LGALS3BP: variants seen among roughly 807,000 people sequenced by gnomAD.
LGALS3BP encodes galectin-3-binding protein.
In LGALS3BP, 25 loss-of-function variants were observed where a neutral mutation model predicts 22.9. That is an observed-to-expected ratio of 1.09 (90% CI 0.80 to 1.53). LGALS3BP has a LOEUF of 1.53. Ranked by LOEUF, LGALS3BP falls within the 40% of genes most tolerant of loss-of-function variation. The probability of loss-of-function intolerance (pLI) is 0.00; values close to 1 mark genes in which losing one functional copy is unlikely to be tolerated. For synonymous variants in LGALS3BP, 335 were observed against 331.1 expected (o/e 1.01, Z -0.13); for missense variants, 718 against 752.0 (o/e 0.95, Z 0.53).
At position 78,976,135 on chromosome 17, in the gene LGALS3BP, C is replaced by T. The variant is rs760177539; in HGVS notation, c.74G>A (p.Arg25Gln). Reference sequence around the variant, plus strand: ...GTTGGTGGCGCCCCCATCGGCCAGCCGCATGTCACCATCGTTCACGCCTGC... The same window carrying T: ...GTTGGTGGCGCCCCCATCGGCCAGCTGCATGTCACCATCGTTCACGCCTGC... ...GTQGVNDGDM[R>Q]LADGGATNQG... The change falls in exon 3 of 6, where the codon CGG becomes CAG. Residue 25 changes from arginine (R) to glutamine (Q), a missense_variant. By Grantham distance (43) the Arg-to-Gln change is conservative. Coordinates refer to ENST00000262776, the MANE Select transcript of LGALS3BP (RefSeq NM_005567.4). The surrounding 1 kb of genome is among the most constrained non-coding windows in gnomAD (Gnocchi z 4.6). 21 of 1,587,658 alleles carry T rather than the reference C, an allele frequency of 1.3e-5. No homozygotes were observed. The highest frequency in any genetic ancestry group is 3.3e-4 in the Middle Eastern group (2 of 6,048).
At chr17:78,978,155 T>C (rs1366082036) in intron 1 of LGALS3BP, among the ~76,000 whole-genome samples, 1 of 152,192 alleles carries the variant, frequency 6.6e-6, no homozygotes, top group African/African-American at 2.4e-5. Context: ...GCTGGGAGTC[T>C]GGGCCTGGTG....
chr17:78,974,889 GC>G, intron 3 of LGALS3BP, 70 bp from the exon 4 acceptor site: 36 of 1,579,996 alleles, frequency 2.3e-5, no homozygotes, highest in Non-Finnish European at 3.1e-5. Context: ...GCGCGACTCA[GC>G]CCTTTGTTCT....
chr17:78,973,241 G>A lies in LGALS3BP; in HGVS notation c.377-19C>T, dbSNP rs527901155. The stretch of plus-strand genomic sequence containing the variant: ...CTGGTTTCTAAGAAGGGGCGGGAGG[G>A]AAGTGGGCTGCGTTAGGAGCCGGGG... On this transcript the variant is annotated intron_variant, in intron 4 of 5. Transcript: ENST00000262776. This position sits in a 1 kb window ranked among gnomAD's most constrained non-coding sequence, Gnocchi z 5.8. The A allele has an allele frequency of 1.3e-6, 2 of 1,498,792 alleles. No homozygotes were observed. Among genetic ancestry groups the A allele is most frequent in the South Asian group, 1.2e-5 (1 of 80,280 alleles). The allele number at this position is 1,498,792 out of a possible 1,614,324, so 92.8% of individuals were successfully genotyped here.
At position 78,971,878 on chromosome 17, in the gene LGALS3BP, T is replaced by G. The variant is rs554055750; in HGVS notation, c.1456A>C (p.Ile486Leu). 28 of 1,613,956 alleles carry G rather than the reference T, an allele frequency of 1.7e-5. No homozygotes were observed. The South Asian group carries it at 3.0e-4, about 17-fold the overall frequency. Residue 486 changes from isoleucine (I) to leucine (L), a missense_variant, in exon 6 of 6, where the codon ATC becomes CTC. Coordinates refer to ENST00000262776, the MANE Select transcript of LGALS3BP (RefSeq NM_005567.4). This position sits in a 1 kb window ranked among gnomAD's most constrained non-coding sequence, Gnocchi z 5.6. ...VSWSLVYLPT[I>L]QSCWNYGFSC... Reference sequence around the variant, plus strand: ...AAGCCGTAGTTCCAGCAGCTCTGGATGGTGGGGAGGTAGACCAGGGACCAG... The same window carrying G: ...AAGCCGTAGTTCCAGCAGCTCTGGAGGGTGGGGAGGTAGACCAGGGACCAG...
rs2070704502 is a variant in LGALS3BP at position 78,974,781 on chromosome 17, C to T, written c.283G>A (p.Gly95Arg). ...PIMLDEVQCT[G>R]TEASLADCKS... ...CAGTCGGCCAGTGAGGCCTCGGTTCCCGTGCACTGGACCTCATCCAGCATG... is the reference window on the plus strand; with the variant it reads ...CAGTCGGCCAGTGAGGCCTCGGTTCTCGTGCACTGGACCTCATCCAGCATG... Residue 95 changes from glycine (G) to arginine (R), a missense_variant, in exon 4 of 6, where the codon GGA (glycine) becomes AGA (arginine). Transcript: ENST00000262776. 3 of 1,613,738 alleles carry T rather than the reference C, an allele frequency of 1.9e-6. No homozygotes were observed. The highest frequency in any genetic ancestry group is 2.5e-6 in the Non-Finnish European group (3 of 1,180,016).
Position 78,973,883 on chromosome 17 carries a change from G to T in LGALS3BP, c.377-661C>A, listed in dbSNP as rs1385175836. Among the ~76,000 whole-genome samples, 2 of 152,242 alleles carry T rather than the reference G, an allele frequency of 1.3e-5. No individual in the cohort carries two copies. Among genetic ancestry groups the T allele is most frequent in the African/African-American group, 2.4e-5 (1 of 41,458 alleles). On this transcript the variant is annotated intron_variant, in intron 4 of 5. Coordinates refer to ENST00000262776, the MANE Select transcript of LGALS3BP (RefSeq NM_005567.4). The surrounding 1 kb of genome is among the most constrained non-coding windows in gnomAD (Gnocchi z 5.8). ...TGGGCCTCCTAAAACCTGAGCCACCGCAGGACCCCCAGCTCCCTCCCACCT... is the reference window on the plus strand; with the variant it reads ...TGGGCCTCCTAAAACCTGAGCCACCTCAGGACCCCCAGCTCCCTCCCACCT...
chr17:78,976,770 C>T lies in LGALS3BP; in HGVS notation c.52+370G>A. 1 of 244,782 alleles carries T rather than the reference C, an allele frequency of 4.1e-6. No individual in the cohort carries two copies. The highest frequency in any genetic ancestry group is 8.1e-6 in the Non-Finnish European group (1 of 123,648). 15.2% of individuals were successfully genotyped at this position (244,782 alleles called of 1,614,324 possible). On this transcript the variant is annotated intron_variant, in intron 2 of 5. Coordinates refer to ENST00000262776, the MANE Select transcript of LGALS3BP (RefSeq NM_005567.4). The surrounding 1 kb of genome is among the most constrained non-coding windows in gnomAD (Gnocchi z 4.6). Reference sequence around the variant, plus strand: ...GGATGAGCATGAGCTTCCAGGGGCTCACAGTGTAAAGAATGTGAGGAAAAG... The same window carrying T: ...GGATGAGCATGAGCTTCCAGGGGCTTACAGTGTAAAGAATGTGAGGAAAAG...
rs202185678 is a variant in LGALS3BP, at chr17:78,975,959, C to T, written c.244+6G>A. 18 of 1,597,974 alleles carry T rather than the reference C, an allele frequency of 1.1e-5. No individual in the cohort carries two copies. Among genetic ancestry groups the T allele is most frequent in the Non-Finnish European group, 1.5e-5 (18 of 1,172,540 alleles). ...AGCCTCAGTGGAAGGGGACAGCAGGCCCTACCTTGCCCGAAGGCAGCTCTG... is the reference window on the plus strand; with the variant it reads ...AGCCTCAGTGGAAGGGGACAGCAGGTCCTACCTTGCCCGAAGGCAGCTCTG... On this transcript the variant is annotated splice_donor_region_variant and intron_variant, in intron 3 of 5. Transcript: ENST00000262776.
chr17:78,974,787 A>G lies in LGALS3BP; in HGVS notation c.277T>C (p.Cys93Arg), dbSNP rs899544539. The G allele has an allele frequency of 8.7e-6, 14 of 1,613,692 alleles. No individual in the cohort carries two copies. Among genetic ancestry groups the G allele is most frequent in the Middle Eastern group, 1.6e-4 (1 of 6,084 alleles). Residue 93 changes from cysteine to arginine, a missense_variant, in exon 4 of 6, where the codon TGC becomes CGC. Physicochemically the swap from Cys to Arg is radical, Grantham distance 180. Transcript: ENST00000262776. ...GCCAGTGAGGCCTCGGTTCCCGTGC[A>G]CTGGACCTCATCCAGCATGATGGGG... ...SGPIMLDEVQ[C>R]TGTEASLADC... is the part of the protein sequence containing the mutation.
chr17:78,972,657 C>T lies in LGALS3BP; in HGVS notation c.677G>A (p.Cys226Tyr). The T allele has an allele frequency of 6.5e-7, 1 of 1,528,172 alleles. No individual in the cohort carries two copies. The highest frequency in any genetic ancestry group is 2.3e-5 in the East Asian group (1 of 44,060). The allele number at this position is 1,528,172 out of a possible 1,614,324, so 94.7% of individuals were successfully genotyped here. A position where few individuals can be genotyped will look rare whatever the true frequency, so the allele number is the denominator to read the frequency against. ...ATAGGCAGAGGCCAGCTTGTGGAAG[C>T]ACTTGACTGACGACAGGGTGATGTC... is the stretch of plus-strand genomic sequence containing the variant. ...RIDITLSSVKCFHKLASAYGA... is the reference protein window; with the variant it reads ...RIDITLSSVKYFHKLASAYGA... Residue 226 changes from cysteine (C) to tyrosine (Y), a missense_variant, in exon 6 of 6, where the codon TGC becomes TAC. Cys to Tyr is a radical substitution (Grantham distance 194). Coordinates refer to ENST00000262776, the MANE Select transcript of LGALS3BP (RefSeq NM_005567.4). This position sits in a 1 kb window ranked among gnomAD's most constrained non-coding sequence, Gnocchi z 5.1.
rs1339004116 is a variant in LGALS3BP, at chr17:78,972,391, C to T, written c.943G>A (p.Val315Met). The change falls in exon 6 of 6, where the codon GTG becomes ATG. Residue 315 changes from valine (V) to methionine (M), a missense_variant. Transcript: ENST00000262776. The surrounding 1 kb of genome is among the most constrained non-coding windows in gnomAD (Gnocchi z 5.1). The part of the protein sequence containing the change: ...QLLLPRSDLA[V>M]PSELALLKAV... The stretch of plus-strand genomic sequence containing the variant: ...TTCAGTAGGGCCAGCTCGCTGGGCA[C>T]CGCCAGGTCGCTCCTGGGCAGCAGC... The T allele has an allele frequency of 6.2e-7, 1 of 1,613,490 alleles. No individual in the cohort carries two copies. Among genetic ancestry groups the T allele is most frequent in the Admixed American group, 1.7e-5 (1 of 60,022 alleles).
chr17:78,974,341 G>A (rs1053395033), intron 4 of LGALS3BP, among the ~76,000 whole-genome samples: 8 of 152,252 alleles, frequency 5.3e-5, no homozygotes, highest in East Asian at 3.9e-4. Flanking sequence ...AGCCTGTCGC[G>A]TGCTGTGAAG....
chr17:78,972,185 G>A lies in LGALS3BP; in HGVS notation c.1149C>T (p.Phe383=). 6.2e-7 allele frequency: 1 copy of A among 1,614,072 alleles called. No individual in the cohort carries two copies. Among genetic ancestry groups the A allele is most frequent in the Non-Finnish European group, 8.5e-7 (1 of 1,180,046 alleles). ...CCAGCAACTGGAAGGGCACAGTGTG[G>A]AATTCCAGGGCCTGCAGAGTCTTCT... ...FQKKTLQALE[F]HTVPFQLLAR... Residue 383 remains phenylalanine, a synonymous_variant, in exon 6 of 6, where the codon TTC becomes TTT. Coordinates refer to ENST00000262776, the MANE Select transcript of LGALS3BP (RefSeq NM_005567.4). This position sits in a 1 kb window ranked among gnomAD's most constrained non-coding sequence, Gnocchi z 5.1.
rs541142777 is a variant in LGALS3BP, at chr17:78,978,325, T to G, written c.-23-1111A>C. 1.4e-4 allele frequency among the ~76,000 whole-genome samples: 22 copies of G among 152,302 alleles called. No individual in the cohort carries two copies. The South Asian group carries it at 4.6e-3, about 32-fold the overall frequency. On this transcript the variant is annotated intron_variant, in intron 1 of 5. Transcript: ENST00000262776. ...TGGGTGCACTGGCTGGTGAGCAGCT[T>G]TGCTCTGGGACTCGTGCTCGCTGGC...
At chr17:78,977,485 G>A (rs1396981674) in intron 1 of LGALS3BP, 4 of 395,888 alleles carry the variant, frequency 1.0e-5, no homozygotes, top group East Asian at 4.6e-5. Flanking sequence ...TGGCAGTAAG[G>A]GCAGCAAGAA....
At position 78,972,638 on chromosome 17, in the gene LGALS3BP, A is replaced by T; in HGVS notation, c.696T>A (p.Ser232=). ...CCTGCAGCTGCCTGGCCCCATAGGC[A>T]GAGGCCAGCTTGTGGAAGCACTTGA... is the stretch of plus-strand genomic sequence containing the variant. ...SSVKCFHKLA[S]AYGARQLQGY... The change falls in exon 6 of 6, where the codon TCT becomes TCA. Residue 232 remains serine, a synonymous_variant. Transcript: ENST00000262776. This position sits in a 1 kb window ranked among gnomAD's most constrained non-coding sequence, Gnocchi z 5.1. 6.5e-7 allele frequency: 1 copy of T among 1,542,376 alleles called. No individual in the cohort carries two copies. Among genetic ancestry groups the T allele is most frequent in the South Asian group, 1.3e-5 (1 of 79,854 alleles).
intron 1 of LGALS3BP, among the ~76,000 whole-genome samples, chr17:78,979,158 G>A (rs1389753088): frequency 1.3e-5 from 2 of 152,166 alleles, no homozygotes; most frequent in Admixed American, 1.3e-4. Flanking sequence ...CCTTCATACA[G>A]TTGAGACCCG....
At chr17:78,975,142 A>T (rs2070708885) in intron 3 of LGALS3BP, 2 of 344,390 alleles carry the variant, frequency 5.8e-6, no homozygotes, top group East Asian at 1.2e-4. Flanking sequence ...TCAGGTTCAC[A>T]TACTGTAATT....
rs1382213000 is a variant in LGALS3BP, at chr17:78,973,393, C to T, written c.377-171G>A. 1 of 792,720 alleles carries T rather than the reference C, an allele frequency of 1.3e-6. No individual in the cohort carries two copies. The allele number at this position is 792,720 out of a possible 1,614,324, so 49.1% of individuals were successfully genotyped here. On this transcript the variant is annotated intron_variant, in intron 4 of 5. Transcript: ENST00000262776. This position sits in a 1 kb window ranked among gnomAD's most constrained non-coding sequence, Gnocchi z 5.8. Reference sequence around the variant, plus strand: ...ACCGGAAGTGTCGGATTCCTGGACCCTGAGGCCCCGCCCCTTCCAGCCCTG... The same window carrying T: ...ACCGGAAGTGTCGGATTCCTGGACCTTGAGGCCCCGCCCCTTCCAGCCCTG...
Sources: allele counts gnomAD v4.1 joint callset (sites outside exome capture counted in the v4.1 genomes callset), GRCh38; gene constraint gnomAD v4.1.1; non-coding constraint Gnocchi (gnomAD v3.1); transcripts MANE v1.5; gene names NCBI Gene and HGNC (gene_info 2026-07-23, HGNC 2026-07-21).